The following PRMT3 variants were observed in gnomAD, a reference collection of about 807,000 sequenced individuals.
The protein encoded by PRMT3 is protein arginine methyltransferase 3, also known as protein arginine N-methyltransferase 3.
PRMT3 carries 62 observed loss-of-function variants against 71.9 expected under a neutral mutation model. That is an observed-to-expected ratio of 0.86 (90% CI 0.70 to 1.07). The LOEUF (loss-of-function observed/expected upper bound fraction) is 1.07, where lower values mean the gene tolerates loss of function less well. Ranked by LOEUF, PRMT3 falls within the 50% of genes least tolerant of loss-of-function variation. The pLI is 0.00. For synonymous variants in PRMT3, 213 were observed against 220.4 expected (o/e 0.97, Z 0.30); for missense variants, 663 against 643.0 (o/e 1.03, Z -0.34).
chr11:20,411,018 T>A (rs1411391829), intron 9 of PRMT3, among the ~76,000 whole-genome samples: 1 of 152,126 alleles, frequency 6.6e-6, no homozygotes, highest in East Asian at 1.9e-4. Context: ...GATACAAAGA[T>A]GTTTTTGAGA....
intron 15 of PRMT3, among the ~76,000 whole-genome samples, chr11:20,506,060 T>C (rs1423117466): frequency 6.6e-6 from 1 of 152,198 alleles, no homozygotes; most frequent in South Asian, 2.1e-4. Flanking sequence ...GCAGATGACC[T>C]TGGGCAAATT....
chr11:20,452,116 C>T lies in PRMT3; in HGVS notation c.994-14C>T, dbSNP rs778776980. ...CACATTTCTAAACTCTTTTTTTCCC[C>T]TTTTTTTATGCAGGGCTATTTTCTT... On this transcript the variant is annotated splice_polypyrimidine_tract_variant and intron_variant, in intron 10 of 15. Transcript: ENST00000331079. 1.0e-5 allele frequency: 16 copies of T among 1,573,460 alleles called. No individual in the cohort carries two copies. The highest frequency in any genetic ancestry group is 1.7e-5 in the Admixed American group (1 of 59,376).
chr11:20,462,104 T>A lies in PRMT3; in HGVS notation c.1197T>A (p.Ile399=), dbSNP rs34565672. Residue 399 remains isoleucine (I), a synonymous_variant, in exon 12 of 16, where the codon ATT becomes ATA. Coordinates refer to ENST00000331079, the MANE Select transcript of PRMT3 (RefSeq NM_005788.4). ...FKMSCMKKAV[I]PEAVVEVLDP... Reference sequence around the variant, plus strand: ...TGTCCTGCATGAAGAAAGCAGTTATTCCAGAAGCTGTTGTGGAAGTTTTAG... The same window carrying A: ...TGTCCTGCATGAAGAAAGCAGTTATACCAGAAGCTGTTGTGGAAGTTTTAG... 1.2e-6 allele frequency: 2 copies of A among 1,612,998 alleles called. No homozygotes were observed. Among genetic ancestry groups the A allele is most frequent in the African/African-American group, 2.7e-5 (2 of 74,924 alleles).
intron 10 of PRMT3, among the ~76,000 whole-genome samples, chr11:20,435,393 G>GA (rs1849740399): frequency 6.6e-6 from 1 of 151,968 alleles, no homozygotes; most frequent in Non-Finnish European, 1.5e-5. Context: ...GTAGAGATGG[G>GA]GTTTTGCCAT....
chr11:20,387,895 A>C lies in PRMT3; in HGVS notation c.28+121A>C. The C allele has an allele frequency of 6.5e-7, 1 of 1,550,074 alleles. No homozygotes were observed. Among genetic ancestry groups the C allele is most frequent in the South Asian group, 1.2e-5 (1 of 85,642 alleles). ...GGGTGGGGGGCTCGCAGGGATCATG[A>C]AGGAGGTGCTGAGTGAGGGCCGCGG... On this transcript the variant is annotated intron_variant, in intron 1 of 15. Transcript: ENST00000331079. This position sits in a 1 kb window ranked among gnomAD's most constrained non-coding sequence, Gnocchi z 4.3.
chr11:20,429,031 C>G (rs962421896), intron 10 of PRMT3, among the ~76,000 whole-genome samples: 1 of 152,136 alleles, frequency 6.6e-6, no homozygotes, highest in East Asian at 1.9e-4. Flanking sequence ...TATCTTTTAT[C>G]CTCTGTATAA....
At chr11:20,472,654 G>T (rs1850674898) in intron 13 of PRMT3, among the ~76,000 whole-genome samples, 2 of 128,400 alleles carry the variant, frequency 1.6e-5, no homozygotes, top group African/African-American at 5.1e-5. Flanking sequence ...GTTCATCAAG[G>T]ATACTGGCCT....
intron 15 of PRMT3, among the ~76,000 whole-genome samples, chr11:20,507,132 C>G (rs1275896177): frequency 1.3e-5 from 2 of 152,166 alleles, no homozygotes; most frequent in Non-Finnish European, 2.9e-5. Flanking sequence ...ATGTACATCC[C>G]TTAAGCCTGG....
At chr11:20,448,333 A>G (rs774255140) in intron 10 of PRMT3, among the ~76,000 whole-genome samples, 6 of 152,178 alleles carry the variant, frequency 3.9e-5, no homozygotes, top group African/African-American at 1.2e-4. Context: ...TGCCAGCTCC[A>G]ATCACATCAA....
chr11:20,394,115 T>C (rs10458856), intron 5 of PRMT3, among the ~76,000 whole-genome samples: 7,129 of 152,312 alleles, frequency 0.047, 269 homozygotes, highest in East Asian at 0.2. Context: ...CAAGGACGTG[T>C]CTTCACAACT....
At chr11:20,406,735 C>T (rs1296674792) in intron 8 of PRMT3, 1 of 152,158 alleles carries the variant, frequency 6.6e-6, no homozygotes, top group Non-Finnish European at 1.5e-5. Flanking sequence ...CTGTTTTTCA[C>T]AGTGGGTGTA....
At position 20,508,395 on chromosome 11, in the gene PRMT3, A is replaced by G. The variant is rs777545081; in HGVS notation, c.1578A>G (p.Gln526=). 1 of 1,604,822 alleles carries G rather than the reference A, an allele frequency of 6.2e-7. No homozygotes were observed. The highest frequency in any genetic ancestry group is 1.1e-5 in the South Asian group (1 of 90,866). The change falls in exon 16 of 16, where the codon CAA becomes CAG. Residue 526 remains glutamine (Q), a synonymous_variant. Transcript: ENST00000331079. The stretch of plus-strand genomic sequence containing the variant: ...CCCTCACGTTGAATAATTCAACTCA[A>G]ACTTATGGTCTCCAGTGAAACAGCC... ...TVTLTLNNST[Q]TYGLQ
Position 20,397,691 on chromosome 11 carries a change from G to T in PRMT3, c.675G>T (p.Gly225=). The T allele has an allele frequency of 1.9e-6, 3 of 1,614,042 alleles. No individual in the cohort carries two copies. Among genetic ancestry groups the T allele is most frequent in the Middle Eastern group, 1.7e-4 (1 of 6,060 alleles). Residue 225 remains glycine, a synonymous_variant, in exon 7 of 16, where the codon GGG becomes GGT. Transcript: ENST00000331079. ...DEDGVYFSSY[G]HYGIHEEMLK... is the part of the protein sequence containing the mutation. ...ATGGTGTTTATTTCAGCTCATACGGGCATTATGGGATACATGAAGAAATGC... is the reference window on the plus strand; with the variant it reads ...ATGGTGTTTATTTCAGCTCATACGGTCATTATGGGATACATGAAGAAATGC...
chr11:20,419,017 TG>T, intron 9 of PRMT3, among the ~76,000 whole-genome samples: 1 of 152,328 alleles, frequency 6.6e-6, no homozygotes, highest in Non-Finnish European at 1.5e-5. Context: ...ACATGTGCCT[TG>T]GTGCACACAT....
chr11:20,463,154 G>T (rs753189560), intron 12 of PRMT3, among the ~76,000 whole-genome samples: 6 of 152,274 alleles, frequency 3.9e-5, no homozygotes, highest in Non-Finnish European at 7.4e-5. Flanking sequence ...TAATCACGCT[G>T]TTACTTTCAT....
chr11:20,495,647 T>A (rs1003023152), intron 15 of PRMT3, among the ~76,000 whole-genome samples: 4 of 152,232 alleles, frequency 2.6e-5, no homozygotes, highest in African/African-American at 9.6e-5. Flanking sequence ...AAAAACTCAT[T>A]GATTGTTCAC....
chr11:20,507,409 C>T (rs1273300425), intron 15 of PRMT3, among the ~76,000 whole-genome samples: 1 of 152,176 alleles, frequency 6.6e-6, no homozygotes, highest in African/African-American at 2.4e-5. Flanking sequence ...CCCTTTATGA[C>T]CACAATAGTT....
intron 9 of PRMT3, among the ~76,000 whole-genome samples, chr11:20,411,319 A>AG (rs999266016): frequency 6.6e-6 from 1 of 152,084 alleles, no homozygotes; most frequent in African/African-American, 2.4e-5. Context: ...GAGTCTGATC[A>AG]TTTTGTCAGC....
chr11:20,448,578 T>G (rs1219856453), intron 10 of PRMT3, among the ~76,000 whole-genome samples: 1 of 152,144 alleles, frequency 6.6e-6, no homozygotes, highest in Non-Finnish European at 1.5e-5. Context: ...ACCTTTTTTT[T>G]AATAGTTAAA....
Sources: allele counts gnomAD v4.1 joint callset (sites outside exome capture counted in the v4.1 genomes callset), GRCh38; gene constraint gnomAD v4.1.1; non-coding constraint Gnocchi (gnomAD v3.1); transcripts MANE v1.5; gene names NCBI Gene and HGNC (gene_info 2026-07-23, HGNC 2026-07-21).